AK4: variants seen among roughly 807,000 people sequenced by gnomAD.
AK4 encodes adenylate kinase 4, mitochondrial.
A neutral mutation model predicts 24.6 loss-of-function variants in AK4; 13 were observed. The ratio of observed to expected loss-of-function variants is 0.53; its 90% CI spans 0.34 to 0.84. AK4 has a LOEUF of 0.84. Among genes scored for constraint, AK4 ranks in the 40% least tolerant of loss-of-function variants. The probability of loss-of-function intolerance (pLI) is 0.01; values close to 1 mark genes in which losing one functional copy is unlikely to be tolerated. For missense variants in AK4, 192 were observed against 288.2 expected (o/e 0.67, Z 2.42); for synonymous variants, 88 against 107.0 (o/e 0.82, Z 1.10).
rs111790150 is a variant in AK4 at position 65,150,179 on chromosome 1, G to A, written c.145+1627G>A. ...GGACTGGACTCATAGCCCTTTCCAT[G>A]TTTAAAGAGAGTGTGATGGGAAGTA... is the stretch of plus-strand genomic sequence containing the variant. On this transcript the variant is annotated intron_variant, in intron 1 of 4. Coordinates refer to ENST00000327299, the MANE Select transcript of AK4 (RefSeq NM_013410.4). Among the ~76,000 whole-genome samples, 311 of 152,176 alleles carry A rather than the reference G, an allele frequency of 2.0e-3. 2 individuals are homozygous for A. Among genetic ancestry groups the A allele is most frequent in the African/African-American group, 7.2e-3 (300 of 41,512 alleles).
chr1:65,148,305 G>A lies in AK4; in HGVS notation c.-103G>A. On this transcript the variant is annotated 5_prime_UTR_variant, in exon 1 of 5. Transcript: ENST00000327299. ...GCGGCCGGCGAGTCCCAGTGAGAGC[G>A]GAGGGTGCCAGAGGTAGGGGGCCGA... 1.4e-6 allele frequency: 2 copies of A among 1,437,284 alleles called. No individual in the cohort carries two copies. The highest frequency in any genetic ancestry group is 1.8e-6 in the Non-Finnish European group (2 of 1,092,000). The allele number at this position is 1,437,284 out of a possible 1,614,324, so 89.0% of individuals were successfully genotyped here. A position where few individuals can be genotyped will look rare whatever the true frequency, so the allele number is the denominator to read the frequency against.
intron 1 of AK4, among the ~76,000 whole-genome samples, chr1:65,160,739 C>T (rs1173032356): frequency 3.3e-5 from 5 of 152,024 alleles, no homozygotes; most frequent in Non-Finnish European, 4.4e-5. Flanking sequence ...GGACTACAGG[C>T]GCATGCCACC....
At position 65,224,885 on chromosome 1, in the gene AK4, A is replaced by G. The variant is rs894446097; in HGVS notation, c.557+15A>G. 5.6e-6 allele frequency: 9 copies of G among 1,594,444 alleles called. No homozygotes were observed. The East Asian group carries it at 1.1e-4, about 20-fold the overall frequency. ...GAATTATACAAGTGAGTGTGCTTCA[A>G]TATTTTCATGACAAAGGACAGACTG... On this transcript the variant is annotated intron_variant, in intron 4 of 4. Coordinates refer to ENST00000327299, the MANE Select transcript of AK4 (RefSeq NM_013410.4).
intron 2 of AK4, among the ~76,000 whole-genome samples, chr1:65,213,157 A>G (rs1021990867): frequency 6.6e-6 from 1 of 152,180 alleles, no homozygotes; most frequent in African/African-American, 2.4e-5. Flanking sequence ...AAGTTATACC[A>G]TGTTGCTACC....
intron 1 of AK4, among the ~76,000 whole-genome samples, chr1:65,153,441 G>A (rs1436762026): frequency 3.3e-5 from 5 of 151,956 alleles, no homozygotes; most frequent in African/African-American, 7.3e-5. Flanking sequence ...GGATAATTTC[G>A]TATTTTTTTG....
intron 1 of AK4, among the ~76,000 whole-genome samples, chr1:65,172,156 C>T (rs545380251): frequency 2.3e-4 from 32 of 140,264 alleles, no homozygotes; most frequent in African/African-American, 7.3e-4. Context: ...GAGTTTAAAA[C>T]GTAAGCTTTA....
intron 1 of AK4, among the ~76,000 whole-genome samples, chr1:65,170,915 T>A (rs1198012488): frequency 6.6e-6 from 1 of 151,926 alleles, no homozygotes; most frequent in Non-Finnish European, 1.5e-5. Flanking sequence ...TGTTAGGGTG[T>A]CATTCCTGTT....
rs762751832 is a variant in AK4 at position 65,218,795 on chromosome 1, A to G, written c.307A>G (p.Ile103Val). 1 of 1,594,356 alleles carries G rather than the reference A, an allele frequency of 6.3e-7. No individual in the cohort carries two copies. Among genetic ancestry groups the G allele is most frequent in the Non-Finnish European group, 8.5e-7 (1 of 1,172,990 alleles). The stretch of plus-strand genomic sequence containing the variant: ...AGGACAAGCCGAAGCCCTGGACAAA[A>G]TCTGTGAAGTGGATCTAGTGATCAG... Reference protein sequence around the residue: ...TLGQAEALDKICEVDLVISLN... With the variant: ...TLGQAEALDKVCEVDLVISLN... The change falls in exon 3 of 5, where the codon ATC becomes GTC. Residue 103 changes from isoleucine (I) to valine (V), a missense_variant. Physicochemically the swap from Ile to Val is conservative, Grantham distance 29. Coordinates refer to ENST00000327299, the MANE Select transcript of AK4 (RefSeq NM_013410.4).
chr1:65,220,581 T>A (rs541052524), intron 3 of AK4, among the ~76,000 whole-genome samples: 144 of 152,140 alleles, frequency 9.5e-4, no homozygotes, highest in Non-Finnish European at 1.8e-3. Flanking sequence ...GTTCAAGTGA[T>A]TTTTCTGCCT....
At chr1:65,204,480 C>T (rs921569110) in intron 2 of AK4, among the ~76,000 whole-genome samples, 18 of 152,158 alleles carry the variant, frequency 1.2e-4, no homozygotes, top group African/African-American at 4.3e-4. Context: ...GAATTCCAGG[C>T]GTGAGCCACC....
intron 3 of AK4, among the ~76,000 whole-genome samples, chr1:65,223,521 T>TG (rs770358682): frequency 8.6e-5 from 13 of 151,544 alleles, no homozygotes; most frequent in Non-Finnish European, 1.3e-4. Context: ...ATGATGAGAG[T>TG]GGGGGGGTTC....
At chr1:65,148,034 A>G (rs961520261), upstream of AK4, 6 of 183,488 alleles carry the variant, frequency 3.3e-5, no homozygotes, top group Non-Finnish European at 6.7e-5. Context: ...CGGCGTGGGG[A>G]GCGAGCTGGA....
intron 2 of AK4, among the ~76,000 whole-genome samples, chr1:65,210,825 A>G (rs975396223): frequency 6.6e-5 from 10 of 152,166 alleles, no homozygotes; most frequent in Non-Finnish European, 1.2e-4. Flanking sequence ...TGGAATTTAC[A>G]TATAGTAATT....
chr1:65,220,197 C>T (rs183221602), intron 3 of AK4, among the ~76,000 whole-genome samples: 2 of 152,166 alleles, frequency 1.3e-5, no homozygotes, highest in Non-Finnish European at 2.9e-5. Flanking sequence ...CAAATATTCA[C>T]GTGCAGAGTT....
chr1:65,187,172 C>A (rs1198596021), intron 1 of AK4, among the ~76,000 whole-genome samples: 1 of 151,526 alleles, frequency 6.6e-6, no homozygotes, highest in Admixed American at 6.6e-5. Flanking sequence ...ACGGTGAAAC[C>A]CTGTTTCTAC....
At chr1:65,181,370 CCAG>C (rs1173461035) in intron 1 of AK4, among the ~76,000 whole-genome samples, 1 of 151,542 alleles carries the variant, frequency 6.6e-6, no homozygotes, top group Non-Finnish European at 1.5e-5. Context: ...TTTTCATAAA[CCAG>C]CAGGCTCCTA....
chr1:65,181,812 A>G (rs1036464048), intron 1 of AK4, among the ~76,000 whole-genome samples: 1 of 152,220 alleles, frequency 6.6e-6, no homozygotes, highest in Non-Finnish European at 1.5e-5. Flanking sequence ...TGGCCAAGCA[A>G]TCTGAAGAAG....
At chr1:65,161,145 A>G (rs1206014489) in intron 1 of AK4, among the ~76,000 whole-genome samples, 7 of 152,086 alleles carry the variant, frequency 4.6e-5, no homozygotes, top group Non-Finnish European at 1.0e-4. Context: ...TCCTCCTCCC[A>G]TGATCAAAAG....
chr1:65,149,913 G>A (rs564543119), intron 1 of AK4, among the ~76,000 whole-genome samples: 1 of 152,306 alleles, frequency 6.6e-6, no homozygotes, highest in African/African-American at 2.4e-5. Context: ...TTTGAGGGGA[G>A]AGCGGCCTGA....
Sources: allele counts gnomAD v4.1 joint callset (sites outside exome capture counted in the v4.1 genomes callset), GRCh38; gene constraint gnomAD v4.1.1; transcripts MANE v1.5; gene names NCBI Gene and HGNC (gene_info 2026-07-23, HGNC 2026-07-21).